Variants in ADCK5 observed in about 807,000 individuals in gnomAD.
ADCK5 encodes uncharacterized aarF domain-containing protein kinase 5.
ADCK5 carries 43 observed loss-of-function variants against 64.9 expected under a neutral mutation model. The observed-to-expected ratio is 0.66, with a 90% confidence interval of 0.52 to 0.85. ADCK5 has a LOEUF of 0.85. Among genes scored for constraint, ADCK5 ranks in the 40% least tolerant of loss-of-function variants. The pLI, the probability that ADCK5 is intolerant of heterozygous loss-of-function variation, is 0.00. For synonymous variants in ADCK5, 434 were observed against 342.8 expected, an observed-to-expected ratio of 1.27 and a Z score of -2.94; for missense variants, 760 against 810.5, an observed-to-expected ratio of 0.94 and a Z score of 0.76.
chr8:144,383,454 A>C (rs1297028869), intron 3 of ADCK5, among the ~76,000 whole-genome samples: 1 of 152,154 alleles, frequency 6.6e-6, no homozygotes, highest in Non-Finnish European at 1.5e-5. Context: ...GAGGTGGTGT[A>C]GACAAGGGTC....
Position 144,384,970 on chromosome 8 carries a change from C to T in ADCK5, c.266+1740C>T, listed in dbSNP as rs1819845223. Among the ~76,000 whole-genome samples, 1 of 152,148 alleles carries T rather than the reference C, an allele frequency of 6.6e-6. No homozygotes were observed. Among genetic ancestry groups the T allele is most frequent in the East Asian group, 1.9e-4 (1 of 5,186 alleles). On this transcript the variant is annotated intron_variant, in intron 3 of 14. Coordinates refer to ENST00000308860, the MANE Select transcript of ADCK5 (RefSeq NM_174922.5). The surrounding 1 kb of genome is among the most constrained non-coding windows in gnomAD (Gnocchi z 5.7). ...GGCAGGGCACAGGGTAGCCTGGGAA[C>T]ACATCCTGGGTGACAGCAGCACCCA...
chr8:144,373,971 C>A, upstream of ADCK5: 3 of 1,116,312 alleles, frequency 2.7e-6, no homozygotes, highest in Non-Finnish European at 2.3e-6. Context: ...TCCAGCCTCG[C>A]CCACCGCCCA....
chr8:144,383,259 T>A (rs1298112002), intron 3 of ADCK5, 29 bp downstream of exon 3: 14 of 1,539,602 alleles, frequency 9.1e-6, no homozygotes, highest in Non-Finnish European at 1.2e-5. Context: ...AGGCAGGGGT[T>A]GCGGCGTGGC....
At position 144,384,554 on chromosome 8, in the gene ADCK5, G is replaced by A. The variant is rs983726697; in HGVS notation, c.266+1324G>A. Among the ~76,000 whole-genome samples, 7 of 152,122 alleles carry A rather than the reference G, an allele frequency of 4.6e-5. No individual in the cohort carries two copies. Among genetic ancestry groups the A allele is most frequent in the African/African-American group, 7.2e-5 (3 of 41,428 alleles). ...CTGTCTTGCAGGGCCATCCAGTCTC[G>A]CAGCCTGGGGTGGGTGACGACAGAG... On this transcript the variant is annotated intron_variant, in intron 3 of 14. Coordinates refer to ENST00000308860, the MANE Select transcript of ADCK5 (RefSeq NM_174922.5). This position sits in a 1 kb window ranked among gnomAD's most constrained non-coding sequence, Gnocchi z 5.7.
At chr8:144,385,697 C>T (rs1554859158) in intron 3 of ADCK5, among the ~76,000 whole-genome samples, 2 of 151,596 alleles carry the variant, frequency 1.3e-5, no homozygotes, top group Non-Finnish European at 2.9e-5. Context: ...GGCATGGTGG[C>T]TCACGCCTGT....
intron 1 of ADCK5, among the ~76,000 whole-genome samples, chr8:144,378,197 A>C (rs1004329366): frequency 1.3e-5 from 2 of 152,158 alleles, no homozygotes; most frequent in Non-Finnish European, 2.9e-5. Flanking sequence ...GGAATCAAAG[A>C]TGGGAACCTG....
Position 144,392,675 on chromosome 8 carries a change from C to T in ADCK5, c.1498C>T (p.Arg500Cys). 1 of 1,594,158 alleles carries T rather than the reference C, an allele frequency of 6.3e-7. No homozygotes were observed. The highest frequency in any genetic ancestry group is 2.3e-5 in the East Asian group (1 of 44,442). Residue 500 changes from arginine (R) to cysteine (C), a missense_variant, in exon 13 of 15, where the codon CGC (arginine) becomes TGC (cysteine). Arg to Cys is a radical substitution (Grantham distance 180, BLOSUM62 -3). Transcript: ENST00000308860. ...INVALGAPVD[R>C]YFLMAKRAVR... ...CGTGGCCCTCGGCGCCCCCGTGGAC[C>T]GCTACTTCCTTATGGCTAAAAGGTC...
Position 144,384,509 on chromosome 8 carries a change from C to A in ADCK5, c.266+1279C>A, listed in dbSNP as rs571308711. Among the ~76,000 whole-genome samples, 1 of 152,196 alleles carries A rather than the reference C, an allele frequency of 6.6e-6. No homozygotes were observed. Among genetic ancestry groups the A allele is most frequent in the Non-Finnish European group, 1.5e-5 (1 of 68,036 alleles). Reference sequence around the variant, plus strand: ...TTGGAGTTCCTGCTGTCCCTGCCTGCAGATTTTGGGTGGCATTGTCTGTCT... The same window carrying A: ...TTGGAGTTCCTGCTGTCCCTGCCTGAAGATTTTGGGTGGCATTGTCTGTCT... On this transcript the variant is annotated intron_variant, in intron 3 of 14. Transcript: ENST00000308860. This position sits in a 1 kb window ranked among gnomAD's most constrained non-coding sequence, Gnocchi z 5.7.
Position 144,390,949 on chromosome 8 carries a change from G to T in ADCK5, c.436G>T (p.Val146Leu), listed in dbSNP as rs1356928414. ...GGCCATCAGCAACGGGGGCCTCTACGTGAAGCTGGGCCAGGGGCTGTGCTC... is the reference window on the plus strand; with the variant it reads ...GGCCATCAGCAACGGGGGCCTCTACTTGAAGCTGGGCCAGGGGCTGTGCTC... ...AGAISNGGLY[V>L]KLGQGLCSFN... The change falls in exon 5 of 15, where the codon GTG becomes TTG. Residue 146 changes from valine (V) to leucine (L), a missense_variant. Around this residue, in one of 2 missense-constraint regions of ADCK5, gnomAD observed 427 missense variants for 518.4 expected, o/e 0.82. Coordinates refer to ENST00000308860, the MANE Select transcript of ADCK5 (RefSeq NM_174922.5). 6.2e-6 allele frequency: 10 copies of T among 1,612,882 alleles called. No individual in the cohort carries two copies. The highest frequency in any genetic ancestry group is 7.6e-6 in the Non-Finnish European group (9 of 1,179,980).
intron 1 of ADCK5, among the ~76,000 whole-genome samples, chr8:144,377,209 G>C (rs564053393): frequency 6.0e-4 from 92 of 152,362 alleles, no homozygotes; most frequent in Non-Finnish European, 1.2e-3. Context: ...AAGTGTGATT[G>C]GGAGACCAAG....
rs1554860371 is a variant in ADCK5 at position 144,391,053 on chromosome 8, G to A, written c.540G>A (p.Gln180=). Residue 180 remains glutamine, a synonymous_variant, in exon 5 of 15, where the codon CAG becomes CAA. Coordinates refer to ENST00000308860, the MANE Select transcript of ADCK5 (RefSeq NM_174922.5). ...ACAGGGCCCTCAAGCGGGGCTTCCA[G>A]GAGGTGAGTGTGCGCTCAGGCCGAG... The part of the protein sequence containing the change: ...LEDRALKRGF[Q]EVDELFLEDF... 2 of 1,612,168 alleles carry A rather than the reference G, an allele frequency of 1.2e-6. No individual in the cohort carries two copies. Among genetic ancestry groups the A allele is most frequent in the East Asian group, 2.2e-5 (1 of 44,884 alleles).
rs1237660402 is a variant in ADCK5 at position 144,390,638 on chromosome 8, C to T, written c.267-33C>T. ...CCAAGCACCGGGGCCCCGAGCCTGCCCCGCTGGAGACTGAGGCCACCTCTG... is the reference window on the plus strand; with the variant it reads ...CCAAGCACCGGGGCCCCGAGCCTGCTCCGCTGGAGACTGAGGCCACCTCTG... On this transcript the variant is annotated intron_variant, in intron 3 of 14. Transcript: ENST00000308860. 1.9e-6 allele frequency: 3 copies of T among 1,608,186 alleles called. No homozygotes were observed. The East Asian group carries it at 6.7e-5, about 36-fold the overall frequency.
chr8:144,386,367 T>C (rs1418721285), intron 3 of ADCK5, among the ~76,000 whole-genome samples: 1 of 151,756 alleles, frequency 6.6e-6, no homozygotes, highest in Non-Finnish European at 1.5e-5. Flanking sequence ...TATTTTTTTT[T>C]ATTTTTTGAG....
chr8:144,389,209 A>G, intron 3 of ADCK5: 9 of 455,014 alleles, frequency 2.0e-5, no homozygotes, highest in South Asian at 1.4e-4. Context: ...CCTGCTCAAC[A>G]GATACCCAGG....
chr8:144,374,751 G>C (rs1165594709), intron 1 of ADCK5, among the ~76,000 whole-genome samples: 1 of 152,032 alleles, frequency 6.6e-6, no homozygotes, highest in East Asian at 1.9e-4. Context: ...CTGCAGGCCG[G>C]GCTCTGCTCT....
intron 2 of ADCK5, among the ~76,000 whole-genome samples, chr8:144,380,500 T>G (rs1819563538): frequency 7.0e-6 from 1 of 142,190 alleles, no homozygotes; most frequent in Non-Finnish European, 1.5e-5. Flanking sequence ...CTCAGGATTA[T>G]GGGCTGGGTG....
chr8:144,374,939 A>G (rs1432417205), intron 1 of ADCK5, among the ~76,000 whole-genome samples: 1 of 152,148 alleles, frequency 6.6e-6, no homozygotes, highest in East Asian at 1.9e-4. Flanking sequence ...ACCCCCTTCC[A>G]GAAGAGATGA....
chr8:144,382,358 A>G (rs1403605859), intron 2 of ADCK5, among the ~76,000 whole-genome samples: 1 of 152,362 alleles, frequency 6.6e-6, no homozygotes, highest in Non-Finnish European at 1.5e-5. Flanking sequence ...TGGTTTCAGC[A>G]TATATGGAGC....
At position 144,392,676 on chromosome 8, in the gene ADCK5, G is replaced by A. The variant is rs566187079; in HGVS notation, c.1499G>A (p.Arg500His). ...GTGGCCCTCGGCGCCCCCGTGGACC[G>A]CTACTTCCTTATGGCTAAAAGGTCG... ...INVALGAPVD[R>H]YFLMAKRAVR... is the part of the protein sequence containing the mutation. The change falls in exon 13 of 15, where the codon CGC (arginine) becomes CAC (histidine). Residue 500 changes from arginine (R) to histidine (H), a missense_variant. Around this residue, in one of 2 missense-constraint regions of ADCK5, gnomAD observed 333 missense variants for 292.0 expected, o/e 1.14. Coordinates refer to ENST00000308860, the MANE Select transcript of ADCK5 (RefSeq NM_174922.5). 3 of 1,593,924 alleles carry A rather than the reference G, an allele frequency of 1.9e-6. No individual in the cohort carries two copies. Among genetic ancestry groups the A allele is most frequent in the South Asian group, 1.1e-5 (1 of 90,122 alleles).
Sources: gnomAD v4.1 joint callset for allele counts (sites outside exome capture counted in the v4.1 genomes callset) on GRCh38, gnomAD v4.1.1 for gene constraint, gnomAD v4.1.1 regional missense constraint, Gnocchi (gnomAD v3.1) non-coding constraint, MANE v1.5 for transcripts, NCBI Gene and HGNC (gene_info 2026-07-23, HGNC 2026-07-21) for gene names.